The following MAP3K5 variants were observed in gnomAD, a reference collection of about 807,000 sequenced individuals.
MAP3K5 encodes mitogen-activated protein kinase kinase kinase 5.
A neutral mutation model predicts 158.7 loss-of-function variants in MAP3K5; 56 were observed. The ratio of observed to expected loss-of-function variants is 0.35; its 90% CI spans 0.28 to 0.44. The LOEUF (loss-of-function observed/expected upper bound fraction) is 0.44, where lower values mean the gene tolerates loss of function less well. MAP3K5 is among the 20% of genes least tolerant of loss of function. The pLI is 1.00. For missense variants in MAP3K5, 1,294 were observed against 1,674.8 expected, an observed-to-expected ratio of 0.77 and a Z score of 3.97; for synonymous variants, 579 against 601.7, an observed-to-expected ratio of 0.96 and a Z score of 0.55.
chr6:136,730,014 C>T (rs1180956125), intron 1 of MAP3K5, among the ~76,000 whole-genome samples: 2 of 152,194 alleles, frequency 1.3e-5, no homozygotes, highest in Non-Finnish European at 2.9e-5. Flanking sequence ...ACTCTGTCTT[C>T]CAGGCTGGAG....
intron 15 of MAP3K5, among the ~76,000 whole-genome samples, chr6:136,614,895 A>T (rs905429407): frequency 5.3e-5 from 8 of 152,224 alleles, no homozygotes; most frequent in African/African-American, 1.9e-4. Context: ...CCTTGCGTCA[A>T]AATCTTCACC....
At chr6:136,600,642 A>G (rs1775834267) in intron 21 of MAP3K5, among the ~76,000 whole-genome samples, 1 of 152,192 alleles carries the variant, frequency 6.6e-6, no homozygotes, top group Non-Finnish European at 1.5e-5. Flanking sequence ...AATAGAATGT[A>G]TCACCCCAAA....
At chr6:136,655,518 C>T (rs1251146949) in intron 10 of MAP3K5, among the ~76,000 whole-genome samples, 1 of 152,304 alleles carries the variant, frequency 6.6e-6, no homozygotes, top group East Asian at 1.9e-4. Context: ...GAATTGAGAA[C>T]TGTCACCGCC....
chr6:136,735,829 T>TA (rs899095192), intron 1 of MAP3K5, among the ~76,000 whole-genome samples: 3 of 151,938 alleles, frequency 2.0e-5, no homozygotes, highest in African/African-American at 7.3e-5. Flanking sequence ...AACCTATCTC[T>TA]AAAAAAACAA....
chr6:136,560,491 C>CA (rs1377971100), intron 28 of MAP3K5, among the ~76,000 whole-genome samples: 3 of 151,400 alleles, frequency 2.0e-5, no homozygotes, highest in African/African-American at 7.3e-5. Flanking sequence ...AAAACAAAAT[C>CA]AAAAAAAGTC....
rs757026219 is a variant in MAP3K5 at position 136,792,045 on chromosome 6, ACCGCCG to A, written c.107_112del (p.Ala36_Ala37del). ...CAGCTGGTGCTCCTCGCCCTCGCCC[ACCGCCG>A]CCGCTCCTCCCCTCCTGCAGATGCC... On this transcript the variant is annotated inframe_deletion, in exon 1 of 30. Transcript: ENST00000359015. The surrounding 1 kb of genome is among the most constrained non-coding windows in gnomAD (Gnocchi z 5.7). 226 of 1,516,004 alleles carry A rather than the reference ACCGCCG, an allele frequency of 1.5e-4. No individual in the cohort carries two copies. The African/African-American group carries it at 2.9e-3, about 20-fold the overall frequency. The allele number at this position is 1,516,004 out of a possible 1,614,324, so 93.9% of individuals were successfully genotyped here.
chr6:136,584,224 C>T (rs535556644), intron 23 of MAP3K5, among the ~76,000 whole-genome samples: 2 of 152,238 alleles, frequency 1.3e-5, no homozygotes, highest in South Asian at 2.1e-4. Context: ...AGGATCTCAA[C>T]CTGAAAGTCT....
intron 2 of MAP3K5, among the ~76,000 whole-genome samples, chr6:136,719,282 G>A (rs909817554): frequency 4.6e-5 from 7 of 152,116 alleles, no homozygotes; most frequent in Non-Finnish European, 7.4e-5. Flanking sequence ...GCAAATAGCA[G>A]CAAATCAAAA....
At chr6:136,741,968 A>G (rs1215552578) in intron 1 of MAP3K5, among the ~76,000 whole-genome samples, 2 of 152,246 alleles carry the variant, frequency 1.3e-5, no homozygotes, top group Non-Finnish European at 2.9e-5. Context: ...GAGGAAATCT[A>G]TAAAACCCTA....
At chr6:136,723,739 G>A (rs1316299460) in intron 1 of MAP3K5, among the ~76,000 whole-genome samples, 2 of 152,128 alleles carry the variant, frequency 1.3e-5, no homozygotes, top group African/African-American at 4.8e-5. Context: ...TTAAACTTTG[G>A]TGAATGAGAA....
At chr6:136,594,969 C>T (rs968666481) in intron 21 of MAP3K5, among the ~76,000 whole-genome samples, 8 of 152,052 alleles carry the variant, frequency 5.3e-5, no homozygotes, top group Non-Finnish European at 1.2e-4. Flanking sequence ...CTGTGACTAC[C>T]GACTGCCTAA....
At chr6:136,665,140 G>T (rs1779172341) in intron 8 of MAP3K5, among the ~76,000 whole-genome samples, 1 of 152,016 alleles carries the variant, frequency 6.6e-6, no homozygotes. Context: ...TCATGTAAAA[G>T]GGGTAAAATG....
At chr6:136,603,122 T>C (rs1775950124) in intron 19 of MAP3K5, among the ~76,000 whole-genome samples, 1 of 151,930 alleles carries the variant, frequency 6.6e-6, no homozygotes, top group African/African-American at 2.4e-5. Flanking sequence ...CAGTTCTAAG[T>C]GCTTGGTACA....
chr6:136,752,071 C>T (rs911484183), intron 1 of MAP3K5, among the ~76,000 whole-genome samples: 2 of 152,154 alleles, frequency 1.3e-5, no homozygotes, highest in African/African-American at 2.4e-5. Flanking sequence ...TGGTTCTCTG[C>T]CTCCCTTCAT....
chr6:136,667,222 A>C (rs1779266413), intron 8 of MAP3K5, among the ~76,000 whole-genome samples: 1 of 152,244 alleles, frequency 6.6e-6, no homozygotes, highest in Non-Finnish European at 1.5e-5. Flanking sequence ...TATATACTGA[A>C]AAATATATAT....
chr6:136,780,570 T>C (rs1428333303), intron 1 of MAP3K5, among the ~76,000 whole-genome samples: 4 of 152,206 alleles, frequency 2.6e-5, no homozygotes, highest in Non-Finnish European at 5.9e-5. Flanking sequence ...GTTTAGAACA[T>C]TGTAATGTGG....
In MAP3K5 at chr6:136,651,008, A is replaced by C; in HGVS notation, c.1764T>G (p.Ile588Met). The change falls in exon 11 of 30, where the codon ATT becomes ATG. Residue 588 changes from isoleucine (I) to methionine (M), a missense_variant. Ile to Met is a conservative substitution (Grantham distance 10). Transcript: ENST00000359015. ...CCTTGTCATCAGGAAGCACGTGCCA[A>C]ATAGAGATTGTCTTTTCCTCAACTT... ...NNEVEEKTIS[I>M]WHVLPDDKKG... The C allele has an allele frequency of 6.2e-7, 1 of 1,611,772 alleles. No individual in the cohort carries two copies. Among genetic ancestry groups the C allele is most frequent in the Non-Finnish European group, 8.5e-7 (1 of 1,178,566 alleles).
Position 136,720,566 on chromosome 6 carries a change from C to T in MAP3K5, c.472G>A (p.Asp158Asn), listed in dbSNP as rs1439371428. The change falls in exon 2 of 30, where the codon GAT becomes AAT. Residue 158 changes from aspartate (D) to asparagine (N), a missense_variant. Asp to Asn is a conservative substitution (Grantham distance 23). Coordinates refer to ENST00000359015, the MANE Select transcript of MAP3K5 (RefSeq NM_005923.4). ...AACAAGGACGGCTGCCGGAAGGCAT[C>T]GCTCATCTCCACCACCGCAATATCT... ...NADIAVVEMS[D>N]AFRQPSLFYH... 2 of 1,611,544 alleles carry T rather than the reference C, an allele frequency of 1.2e-6. No homozygotes were observed. The highest frequency in any genetic ancestry group is 1.7e-5 in the Admixed American group (1 of 59,478).
chr6:136,600,977 A>C, intron 21 of MAP3K5, 45 bp downstream of exon 21: 1 of 1,606,568 alleles, frequency 6.2e-7, no homozygotes. Flanking sequence ...TTATCACACC[A>C]GACACCAGGT....
Sources: gnomAD v4.1 joint callset for allele counts (sites outside exome capture counted in the v4.1 genomes callset) on GRCh38, gnomAD v4.1.1 for gene constraint, Gnocchi (gnomAD v3.1) non-coding constraint, MANE v1.5 for transcripts, NCBI Gene and HGNC (gene_info 2026-07-23, HGNC 2026-07-21) for gene names.